The following TLK1 variants were observed in gnomAD, a reference collection of about 807,000 sequenced individuals.
The protein encoded by TLK1 is tousled like kinase 1, also known as serine/threonine-protein kinase tousled-like 1.
A neutral mutation model predicts 105.3 loss-of-function variants in TLK1; 24 were observed. The observed-to-expected ratio is 0.23, with a 90% CI of 0.17 to 0.32. The LOEUF (loss-of-function observed/expected upper bound fraction) is 0.32, where lower values mean the gene tolerates loss of function less well. Among genes scored for constraint, TLK1 ranks in the 10% least tolerant of loss-of-function variants. The pLI is 1.00. For synonymous variants in TLK1, 321 were observed against 310.4 expected (o/e 1.03, Z -0.36); for missense variants, 558 against 910.5 (o/e 0.61, Z 4.98).
chr2:171,062,172 CA>C (rs1687782381), intron 3 of TLK1, among the ~76,000 whole-genome samples: 1 of 152,192 alleles, frequency 6.6e-6, no homozygotes, highest in Non-Finnish European at 1.5e-5. Context: ...AAAGCACAGG[CA>C]ATGGCACCAG....
chr2:171,045,391 G>C (rs1044067448), intron 11 of TLK1: 1 of 116,030 alleles, frequency 8.6e-6, no homozygotes, highest in Non-Finnish European at 1.9e-5. Context: ...CACCATGCCC[G>C]GCTAATTTTT....
At chr2:171,090,155 G>A (rs1372989323) in intron 2 of TLK1, among the ~76,000 whole-genome samples, 1 of 151,934 alleles carries the variant, frequency 6.6e-6, no homozygotes, top group Non-Finnish European at 1.5e-5. Flanking sequence ...AAGATGTCTT[G>A]AGTATCTTTT....
chr2:171,193,383 T>C (rs1395277676), intron 1 of TLK1, among the ~76,000 whole-genome samples: 1 of 151,692 alleles, frequency 6.6e-6, no homozygotes, highest in African/African-American at 2.4e-5. Flanking sequence ...TTGTTTTCTG[T>C]TATCACTTAG....
At chr2:171,031,074 T>C (rs1007938389) in intron 11 of TLK1, among the ~76,000 whole-genome samples, 5 of 151,426 alleles carry the variant, frequency 3.3e-5, no homozygotes, top group African/African-American at 9.7e-5. Context: ...AAATTTTACA[T>C]ATATATAATT....
chr2:171,025,516 G>A (rs1031595678), intron 12 of TLK1, among the ~76,000 whole-genome samples: 7 of 152,076 alleles, frequency 4.6e-5, no homozygotes, highest in African/African-American at 1.4e-4. Context: ...AATCTAAACC[G>A]TAAACTGACT....
chr2:171,172,723 G>A (rs1558980045), intron 1 of TLK1, among the ~76,000 whole-genome samples: 1 of 151,860 alleles, frequency 6.6e-6, no homozygotes, highest in South Asian at 2.1e-4. Context: ...CTTCCCCTTC[G>A]CCTTCCACCA....
At position 171,131,107 on chromosome 2, in the gene TLK1, CTATA is replaced by C. The variant is rs770193167; in HGVS notation, c.140-13254_140-13251del. ...TAGATAGATGCAGAGATCTATATAT[CTATA>C]TATAGAGAGAGATACAGAGATATAT... is the stretch of plus-strand genomic sequence containing the variant. On this transcript the variant is annotated intron_variant, in intron 1 of 20. Coordinates refer to ENST00000431350, the MANE Select transcript of TLK1 (RefSeq NM_012290.5). Among the ~76,000 whole-genome samples, 311 of 132,484 alleles carry C rather than the reference CTATA, an allele frequency of 2.3e-3. 2 individuals carry two copies. Among genetic ancestry groups the C allele is most frequent in the African/African-American group, 7.6e-3 (301 of 39,808 alleles). 86.9% of individuals were successfully genotyped at this position (132,484 alleles called of 152,430 possible).
intron 1 of TLK1, among the ~76,000 whole-genome samples, chr2:171,206,294 TA>T (rs1467167564): frequency 1.3e-5 from 2 of 152,162 alleles, no homozygotes; most frequent in Non-Finnish European, 2.9e-5. Flanking sequence ...TTTAATAAAA[TA>T]TGGCATGCGT....
chr2:171,024,854 G>C (rs1299831404), intron 12 of TLK1, among the ~76,000 whole-genome samples: 2 of 152,186 alleles, frequency 1.3e-5, no homozygotes, highest in Non-Finnish European at 1.5e-5. Context: ...GTGTCAGGCA[G>C]AGTATGGCAA....
intron 11 of TLK1, among the ~76,000 whole-genome samples, chr2:171,031,620 A>G (rs1559353881): frequency 6.6e-6 from 1 of 152,164 alleles, no homozygotes; most frequent in East Asian, 1.9e-4. Context: ...ACAATGTATT[A>G]TTTTTATTAT....
chr2:171,208,019 G>A (rs761928531), intron 1 of TLK1, among the ~76,000 whole-genome samples: 1 of 152,114 alleles, frequency 6.6e-6, no homozygotes, highest in Non-Finnish European at 1.5e-5. Context: ...GAGCCACTGC[G>A]CCCAGCCAGG....
At chr2:171,091,580 G>C (rs758401889) in intron 2 of TLK1, 8 of 152,120 alleles carry the variant, frequency 5.3e-5, no homozygotes, top group Non-Finnish European at 1.0e-4. Context: ...ATTCTAAGGA[G>C]GGTCCTTCTC....
chr2:170,995,236 C>A (rs981243858), intron 20 of TLK1, among the ~76,000 whole-genome samples: 3 of 152,016 alleles, frequency 2.0e-5, no homozygotes, highest in African/African-American at 4.8e-5. Context: ...GTTAAGTCTG[C>A]AACAAATAAT....
At chr2:171,132,568 T>G (rs774257901) in intron 1 of TLK1, among the ~76,000 whole-genome samples, 8 of 152,252 alleles carry the variant, frequency 5.3e-5, no homozygotes, top group Non-Finnish European at 1.2e-4. Context: ...TTTTTTAAGT[T>G]TCTTTACAAA....
At chr2:171,010,094 A>T in intron 14 of TLK1, among the ~76,000 whole-genome samples, 1 of 152,218 alleles carries the variant, frequency 6.6e-6, no homozygotes, top group South Asian at 2.1e-4. Context: ...GCAATGCCCA[A>T]AAGAAGACAA....
chr2:171,009,864 A>G (rs956275207), intron 14 of TLK1, among the ~76,000 whole-genome samples: 6 of 152,236 alleles, frequency 3.9e-5, no homozygotes, highest in Non-Finnish European at 8.8e-5. Context: ...GTAATGAAGC[A>G]CAAAGGAGCT....
intron 1 of TLK1, among the ~76,000 whole-genome samples, chr2:171,136,462 A>T (rs1468884068): frequency 6.6e-6 from 1 of 152,230 alleles, no homozygotes; most frequent in African/African-American, 2.4e-5. Context: ...GCAGGGTGGC[A>T]GCCTCCAGAG....
intron 1 of TLK1, among the ~76,000 whole-genome samples, chr2:171,173,711 G>C (rs760806266): frequency 2.0e-5 from 3 of 152,064 alleles, no homozygotes; most frequent in Non-Finnish European, 4.4e-5. Context: ...TCTTTAATTT[G>C]TTTCTTCAGC....
chr2:171,046,915 A>G (rs763669605), intron 10 of TLK1, among the ~76,000 whole-genome samples: 21 of 152,214 alleles, frequency 1.4e-4, no homozygotes, highest in Non-Finnish European at 2.2e-4. Flanking sequence ...TTTAATGTGA[A>G]GAGAGTTATT....
Sources: allele counts gnomAD v4.1 joint callset (sites outside exome capture counted in the v4.1 genomes callset), GRCh38; gene constraint gnomAD v4.1.1; transcripts MANE v1.5; gene names NCBI Gene and HGNC (gene_info 2026-07-23, HGNC 2026-07-21).